Variants in PACRG observed in about 807,000 individuals in gnomAD.
The protein encoded by PACRG is parkin coregulated, also known as parkin coregulated gene protein.
Under a neutral mutation model 29.7 loss-of-function variants are expected in PACRG, and 29 were observed. The observed-to-expected ratio is 0.98, with a 90% CI of 0.73 to 1.33. The LOEUF is 1.33. PACRG is among the 40% of genes most tolerant of loss of function. The probability of loss-of-function intolerance (pLI) is 0.00; values close to 1 mark genes in which losing one functional copy is unlikely to be tolerated. For missense variants in PACRG, 279 were observed against 316.2 expected, an observed-to-expected ratio of 0.88 and a Z score of 0.89; for synonymous variants, 116 against 118.7, an observed-to-expected ratio of 0.98 and a Z score of 0.15.
chr6:163,303,906 C>T (rs189297073), intron 4 of PACRG, among the ~76,000 whole-genome samples: 6 of 149,914 alleles, frequency 4.0e-5, no homozygotes, highest in South Asian at 2.1e-4. Flanking sequence ...ATCTCAGCTA[C>T]GCAGGAGGCT....
rs188328513 is a variant in PACRG at position 163,188,765 on chromosome 6, G to A, written c.613+99357G>A. 3.2e-4 allele frequency among the ~76,000 whole-genome samples: 48 copies of A among 152,248 alleles called. 1 individual carries two copies. In the East Asian group the frequency reaches 7.9e-3, roughly 25 times the overall value. ...TAGTTCATGTCTGACTTGGTGTGTC[G>A]TTCTGTTGTGTTTGAGATCTGAAAA... On this transcript the variant is annotated intron_variant, in intron 4 of 4. Transcript: ENST00000366888.
chr6:162,875,014 T>C (rs1268528008), intron 2 of PACRG, among the ~76,000 whole-genome samples: 2 of 152,048 alleles, frequency 1.3e-5, no homozygotes, highest in African/African-American at 2.4e-5. Context: ...TACACATGTA[T>C]GTATTCACAC....
chr6:162,960,568 C>T (rs183826868), intron 2 of PACRG, among the ~76,000 whole-genome samples: 9 of 152,198 alleles, frequency 5.9e-5, no homozygotes, highest in East Asian at 1.9e-4. Context: ...CACATATGGA[C>T]GTAAACATGG....
chr6:162,926,342 C>G (rs932560314), intron 2 of PACRG, among the ~76,000 whole-genome samples: 2 of 151,940 alleles, frequency 1.3e-5, no homozygotes, highest in African/African-American at 4.8e-5. Flanking sequence ...CCCATATATC[C>G]AAGACAATCC....
At chr6:163,198,445 T>C (rs1780566211) in intron 4 of PACRG, among the ~76,000 whole-genome samples, 1 of 152,230 alleles carries the variant, frequency 6.6e-6, no homozygotes, top group South Asian at 2.1e-4. Flanking sequence ...TTTACATGTG[T>C]GTGTGTGATT....
At chr6:162,916,249 T>C (rs893128951) in intron 2 of PACRG, among the ~76,000 whole-genome samples, 4 of 152,152 alleles carry the variant, frequency 2.6e-5, no homozygotes, top group African/African-American at 9.6e-5. Context: ...GGTGAGAAAT[T>C]TGTGATAATT....
intron 4 of PACRG, among the ~76,000 whole-genome samples, chr6:163,243,780 T>G (rs6904305): frequency 0.2 from 30,250 of 152,190 alleles, 3,144 homozygotes; most frequent in South Asian, 0.32. Flanking sequence ...GAGAAGCAAG[T>G]GTCTTAATTG....
chr6:162,807,204 CCACT>C (rs537933924), intron 1 of PACRG, among the ~76,000 whole-genome samples: 1 of 152,182 alleles, frequency 6.6e-6, no homozygotes, highest in Non-Finnish European at 1.5e-5. Flanking sequence ...TCTATCCAGA[CCACT>C]CAAACTTTTT....
chr6:162,917,631 T>C (rs1401335183), intron 2 of PACRG, among the ~76,000 whole-genome samples: 1 of 152,196 alleles, frequency 6.6e-6, no homozygotes, highest in Non-Finnish European at 1.5e-5. Context: ...GAAAGCATTA[T>C]GTACATCTAT....
chr6:162,912,922 CA>C (rs67714057), intron 2 of PACRG, among the ~76,000 whole-genome samples: 2,445 of 108,618 alleles, frequency 0.023, 32 homozygotes, highest in Non-Finnish European at 0.034. Context: ...AACAAACAAA[CA>C]AAAAAAAAAA....
chr6:163,165,755 C>A, intron 4 of PACRG: 1 of 248,862 alleles, frequency 4.0e-6, no homozygotes, highest in Non-Finnish European at 8.0e-6. Context: ...AGGGAGGGAG[C>A]CTGGCAGAAA....
intron 2 of PACRG, among the ~76,000 whole-genome samples, chr6:163,045,313 A>G (rs1465559444): frequency 6.6e-6 from 1 of 152,134 alleles, no homozygotes; most frequent in Non-Finnish European, 1.5e-5. Flanking sequence ...ACAGGAATAG[A>G]GAAAGCTAGG....
chr6:162,826,094 A>G (rs983182998), intron 2 of PACRG, among the ~76,000 whole-genome samples: 4 of 152,166 alleles, frequency 2.6e-5, no homozygotes, highest in South Asian at 2.1e-4. Context: ...TCTTTCCTCA[A>G]TGTCAGACCA....
intron 4 of PACRG, among the ~76,000 whole-genome samples, chr6:163,218,787 CT>C (rs1485685143): frequency 6.6e-6 from 1 of 152,246 alleles, no homozygotes; most frequent in Non-Finnish European, 1.5e-5. Context: ...CTACCCTCTT[CT>C]CCAGCTGCAC....
chr6:162,876,769 C>A (rs1288144136), intron 2 of PACRG, among the ~76,000 whole-genome samples: 1 of 152,162 alleles, frequency 6.6e-6, no homozygotes, highest in East Asian at 1.9e-4. Flanking sequence ...GTGTTTTAGT[C>A]ATGAAGTCTT....
intron 2 of PACRG, among the ~76,000 whole-genome samples, chr6:162,949,486 A>G (rs1799491097): frequency 6.6e-6 from 1 of 152,148 alleles, no homozygotes; most frequent in Non-Finnish European, 1.5e-5. Context: ...GTATATCTCA[A>G]AGGAGCTAGA....
intron 4 of PACRG, among the ~76,000 whole-genome samples, chr6:163,193,907 TC>T (rs71008142): frequency 0.48 from 54,169 of 111,840 alleles, 11,679 homozygotes; most frequent in Non-Finnish European, 0.6. Context: ...TTTTTTTTTT[TC>T]CTGAGATGGA....
intron 4 of PACRG, among the ~76,000 whole-genome samples, chr6:163,262,919 G>A (rs903367821): frequency 1.6e-4 from 24 of 148,148 alleles, no homozygotes; most frequent in Non-Finnish European, 3.1e-4. Flanking sequence ...GTGTGGTGGC[G>A]CATGCCCAGG....
chr6:162,749,451 C>T (rs544031160), intron 1 of PACRG, among the ~76,000 whole-genome samples: 1 of 152,322 alleles, frequency 6.6e-6, no homozygotes, highest in African/African-American at 2.4e-5. Context: ...ATACTTATTA[C>T]AGAGTATGTA....
Sources: allele counts gnomAD v4.1 joint callset (sites outside exome capture counted in the v4.1 genomes callset), GRCh38; gene constraint gnomAD v4.1.1; transcripts MANE v1.5; gene names NCBI Gene and HGNC (gene_info 2026-07-23, HGNC 2026-07-21).